PTCHD4: variants seen among roughly 807,000 people sequenced by gnomAD.
The protein encoded by PTCHD4 is patched domain-containing protein 4.
In PTCHD4, 33 loss-of-function variants were observed where a neutral mutation model predicts 58.1. The ratio of observed to expected loss-of-function variants is 0.57; its 90% CI spans 0.43 to 0.76. PTCHD4 has a LOEUF of 0.76. Ranked by LOEUF, PTCHD4 falls within the 30% of genes least tolerant of loss-of-function variation. PTCHD4 has a pLI of 0.00. For missense variants in PTCHD4, 1,058 were observed against 1,027.1 expected (o/e 1.03, Z -0.41); for synonymous variants, 478 against 409.6 (o/e 1.17, Z -2.02).
intron 3 of PTCHD4, among the ~76,000 whole-genome samples, chr6:48,026,088 T>C (rs1030210800): frequency 1.3e-5 from 2 of 152,158 alleles, no homozygotes; most frequent in African/African-American, 4.8e-5. Flanking sequence ...ATAGTGACCA[T>C]TGAAAATCTT....
chr6:48,036,229 C>A (rs1351365891), intron 3 of PTCHD4, among the ~76,000 whole-genome samples: 1 of 151,854 alleles, frequency 6.6e-6, no homozygotes, highest in Non-Finnish European at 1.5e-5. Flanking sequence ...AAGAGAAATA[C>A]AATTTGCAAA....
At chr6:47,993,978 A>G (rs1768377632) in intron 4 of PTCHD4, among the ~76,000 whole-genome samples, 1 of 152,204 alleles carries the variant, frequency 6.6e-6, no homozygotes. Context: ...ACAAAATAGT[A>G]TTACCAGTGC....
intron 4 of PTCHD4, among the ~76,000 whole-genome samples, chr6:47,890,557 GA>G (rs1027561810): frequency 2.6e-5 from 4 of 152,158 alleles, no homozygotes; most frequent in African/African-American, 9.7e-5. Flanking sequence ...CATGTGCTTG[GA>G]ACACAGTAAG....
At chr6:48,077,077 A>C (rs555723061) in intron 1 of PTCHD4, among the ~76,000 whole-genome samples, 1 of 152,346 alleles carries the variant, frequency 6.6e-6, no homozygotes, top group East Asian at 1.9e-4. Context: ...AGTGAGCAGT[A>C]ATATTTTGAA....
At position 47,879,784 on chromosome 6, in the gene PTCHD4, C is replaced by T. The variant is rs748575092; in HGVS notation, c.1051G>A (p.Gly351Ser). The part of the protein sequence containing the change: ...SSLYFITFGM[G>S]ASPFTNIEAV... Reference sequence around the variant, plus strand: ...TCTATGTTTGTGAATGGGCTGGCACCCATGCCAAAAGTGATGAAGTACAGG... The same window carrying T: ...TCTATGTTTGTGAATGGGCTGGCACTCATGCCAAAAGTGATGAAGTACAGG... The change falls in exon 5 of 5, where the codon GGT becomes AGT. Residue 351 changes from glycine (G) to serine (S), a missense_variant. Coordinates refer to ENST00000339488, the MANE Select transcript of PTCHD4 (RefSeq NM_001384253.1). The T allele has an allele frequency of 1.9e-6, 3 of 1,613,604 alleles. No individual in the cohort carries two copies. Among genetic ancestry groups the T allele is most frequent in the South Asian group, 1.1e-5 (1 of 91,066 alleles).
Position 47,878,685 on chromosome 6 carries a change from T to A in PTCHD4, c.2150A>T (p.Tyr717Phe), listed in dbSNP as rs767173729. The part of the protein sequence containing the change: ...MDCISILCLI[Y>F]TLNFAIDHCA... ...GTGGTCAATGGCGAAATTCAAGGTG[T>A]AGATAAGGCACAAGATAGAAATGCA... Residue 717 changes from tyrosine (Y) to phenylalanine (F), a missense_variant, in exon 5 of 5, where the codon TAC (tyrosine) becomes TTC (phenylalanine). Tyr to Phe is a conservative substitution (Grantham distance 22). Coordinates refer to ENST00000339488, the MANE Select transcript of PTCHD4 (RefSeq NM_001384253.1). The A allele has an allele frequency of 5.0e-6, 8 of 1,613,422 alleles. No individual in the cohort carries two copies. Among genetic ancestry groups the A allele is most frequent in the Admixed American group, 1.7e-5 (1 of 59,860 alleles).
chr6:47,901,624 G>A (rs536245665), intron 4 of PTCHD4: 43 of 1,074,532 alleles, frequency 4.0e-5, no homozygotes, highest in Non-Finnish European at 4.8e-5. Flanking sequence ...AGATAGAAAA[G>A]ACAGTATGGG....
chr6:47,988,626 A>G (rs77449020), intron 4 of PTCHD4, among the ~76,000 whole-genome samples: 1 of 152,156 alleles, frequency 6.6e-6, no homozygotes, highest in African/African-American at 2.4e-5. Context: ...TTCTTGTGGT[A>G]GTGAATAGGT....
intron 3 of PTCHD4, among the ~76,000 whole-genome samples, chr6:48,024,013 C>T (rs530421090): frequency 6.6e-6 from 1 of 152,122 alleles, no homozygotes; most frequent in Non-Finnish European, 1.5e-5. Context: ...CTTACGACTG[C>T]TGTGACCTTG....
At chr6:48,011,266 C>A (rs577631007) in intron 3 of PTCHD4, among the ~76,000 whole-genome samples, 1 of 152,300 alleles carries the variant, frequency 6.6e-6, no homozygotes, top group African/African-American at 2.4e-5. Flanking sequence ...TTAATGATTA[C>A]CACTCTAACT....
chr6:47,978,756 G>T (rs909978916), intron 4 of PTCHD4, among the ~76,000 whole-genome samples: 1 of 152,074 alleles, frequency 6.6e-6, no homozygotes, highest in African/African-American at 2.4e-5. Flanking sequence ...ACAGAATAAT[G>T]GGAGAGTAAA....
chr6:48,107,650 A>G (rs1396779107), intron 1 of PTCHD4, among the ~76,000 whole-genome samples: 2 of 152,198 alleles, frequency 1.3e-5, no homozygotes, highest in Non-Finnish European at 2.9e-5. Flanking sequence ...AACCACCATC[A>G]GAGTGAACAG....
At chr6:48,090,043 A>T (rs949412098) in intron 1 of PTCHD4, among the ~76,000 whole-genome samples, 1 of 152,186 alleles carries the variant, frequency 6.6e-6, no homozygotes. Flanking sequence ...AGTCCTTATC[A>T]CTAGATGTAG....
intron 3 of PTCHD4, among the ~76,000 whole-genome samples, chr6:48,029,192 G>A (rs952476206): frequency 6.6e-6 from 1 of 151,984 alleles, no homozygotes; most frequent in Non-Finnish European, 1.5e-5. Context: ...TTCTTAACCT[G>A]AACAATTTTA....
chr6:47,936,428 A>C (rs907413925), intron 4 of PTCHD4, among the ~76,000 whole-genome samples: 1 of 152,196 alleles, frequency 6.6e-6, no homozygotes. Flanking sequence ...GTACTTTCAA[A>C]AACATTTCCT....
At chr6:47,998,072 C>T (rs1768571515) in intron 4 of PTCHD4, among the ~76,000 whole-genome samples, 1 of 152,058 alleles carries the variant, frequency 6.6e-6, no homozygotes, top group African/African-American at 2.4e-5. Context: ...TTCAGTACTG[C>T]AGAAAAAAAT....
At chr6:48,045,894 T>A (rs1764020237) in intron 3 of PTCHD4, among the ~76,000 whole-genome samples, 1 of 151,670 alleles carries the variant, frequency 6.6e-6, no homozygotes. Context: ...CTCACTGAAA[T>A]GTTTGTTGAA....
chr6:48,043,797 G>A (rs531650509), intron 3 of PTCHD4, among the ~76,000 whole-genome samples: 50 of 151,916 alleles, frequency 3.3e-4, no homozygotes, highest in African/African-American at 8.9e-4. Flanking sequence ...TCCTGGAGGG[G>A]ATAAAGCTTA....
chr6:47,982,237 C>T (rs1767904992), intron 4 of PTCHD4, among the ~76,000 whole-genome samples: 1 of 152,086 alleles, frequency 6.6e-6, no homozygotes, highest in Non-Finnish European at 1.5e-5. Flanking sequence ...TAAAAATATC[C>T]ATAGCAGCAT....
Sources: gnomAD v4.1 joint callset for allele counts (sites outside exome capture counted in the v4.1 genomes callset) on GRCh38, gnomAD v4.1.1 for gene constraint, MANE v1.5 for transcripts, NCBI Gene and HGNC (gene_info 2026-07-23, HGNC 2026-07-21) for gene names.